Variants in SCLT1 observed in about 807,000 individuals in gnomAD.
The protein encoded by SCLT1 is sodium channel and clathrin linker 1.
SCLT1 carries 78 observed loss-of-function variants against 112.8 expected under a neutral mutation model. The observed-to-expected ratio is 0.69, with a 90% CI of 0.58 to 0.83. SCLT1 has a LOEUF of 0.83. Ranked by LOEUF, SCLT1 falls within the 40% of genes least tolerant of loss-of-function variation. SCLT1 has a pLI of 0.00. For missense variants in SCLT1, 747 were observed against 770.4 expected (o/e 0.97, Z 0.36); for synonymous variants, 257 against 254.7 (o/e 1.01, Z -0.09).
chr4:128,894,340 T>C (rs1479396121), intron 18 of SCLT1, among the ~76,000 whole-genome samples: 3 of 148,338 alleles, frequency 2.0e-5, no homozygotes, highest in South Asian at 2.1e-4. Flanking sequence ...GGCAGGCAAA[T>C]AATGAAAGTT....
chr4:129,008,594 T>C (rs1260260260), intron 5 of SCLT1, among the ~76,000 whole-genome samples: 1 of 152,216 alleles, frequency 6.6e-6, no homozygotes, highest in Non-Finnish European at 1.5e-5. Flanking sequence ...GGATTCAAAT[T>C]ACACGAATTT....
chr4:129,074,642 T>G (rs1448199355), intron 2 of SCLT1, among the ~76,000 whole-genome samples: 3 of 152,182 alleles, frequency 2.0e-5, no homozygotes, highest in African/African-American at 7.2e-5. Flanking sequence ...AAAGGAATAA[T>G]TTAAAGAATT....
intron 14 of SCLT1, among the ~76,000 whole-genome samples, chr4:128,950,967 G>A (rs72683669): frequency 0.3 from 44,857 of 151,978 alleles, 6,745 homozygotes; most frequent in South Asian, 0.36. Context: ...AGCTTGAAAT[G>A]TAATGGCTCC....
At chr4:128,997,403 A>C (rs1183210436) in intron 8 of SCLT1, 3 of 151,958 alleles carry the variant, frequency 2.0e-5, no homozygotes, top group Non-Finnish European at 4.4e-5. Flanking sequence ...AAGAAGGTAA[A>C]GAGCAGAACT....
At chr4:128,925,355 T>G (rs185356706) in intron 18 of SCLT1, among the ~76,000 whole-genome samples, 1 of 152,090 alleles carries the variant, frequency 6.6e-6, no homozygotes, top group Non-Finnish European at 1.5e-5. Context: ...GTTCTTTTTT[T>G]TTTTGGAGCT....
rs748496645 is a variant in SCLT1 at position 128,959,788 on chromosome 4, A to G, written c.870-11T>C. 2 of 1,607,292 alleles carry G rather than the reference A, an allele frequency of 1.2e-6. No individual in the cohort carries two copies. The highest frequency in any genetic ancestry group is 2.2e-5 in the South Asian group (2 of 90,564). On this transcript the variant is annotated splice_polypyrimidine_tract_variant and intron_variant, in intron 11 of 20. Coordinates refer to ENST00000281142, the MANE Select transcript of SCLT1 (RefSeq NM_144643.4). ...ATTGTCACACATAATCTAGAAATCA[A>G]TAATTACACTGGGAAAGTTAAACTT...
chr4:128,906,267 G>A lies in SCLT1; in HGVS notation c.1830-15130C>T, dbSNP rs1239612561. 3.9e-5 allele frequency among the ~76,000 whole-genome samples: 6 copies of A among 151,934 alleles called. No homozygotes were observed. The East Asian group carries it at 5.8e-4, about 15-fold the overall frequency. Reference sequence around the variant, plus strand: ...GGCTGGAGTGCAGTGGCGCGATCTCGGCTCACTGCAAGCTCTGCCTCCCGG... The same window carrying A: ...GGCTGGAGTGCAGTGGCGCGATCTCAGCTCACTGCAAGCTCTGCCTCCCGG... On this transcript the variant is annotated intron_variant, in intron 18 of 20. Transcript: ENST00000281142.
chr4:128,950,539 G>C (rs1478464611), intron 14 of SCLT1, among the ~76,000 whole-genome samples: 2 of 152,050 alleles, frequency 1.3e-5, no homozygotes, highest in East Asian at 1.9e-4. Context: ...CCTACCTTTG[G>C]GGGAAAATAT....
intron 13 of SCLT1, among the ~76,000 whole-genome samples, chr4:128,956,343 A>C (rs904295449): frequency 6.6e-6 from 1 of 152,090 alleles, no homozygotes; most frequent in Non-Finnish European, 1.5e-5. Context: ...CATCAAGAAT[A>C]TTTTAGGCTA....
downstream of SCLT1, among the ~76,000 whole-genome samples, chr4:128,883,476 A>G (rs1732693842): frequency 6.6e-6 from 1 of 152,168 alleles, no homozygotes; most frequent in Non-Finnish European, 1.5e-5. Context: ...TGATGGGTGC[A>G]GCAAACCACT....
At chr4:128,910,759 A>AT (rs1482393150) in intron 18 of SCLT1, among the ~76,000 whole-genome samples, 1 of 152,112 alleles carries the variant, frequency 6.6e-6, no homozygotes, top group Admixed American at 6.5e-5. Context: ...ATTCTAAATG[A>AT]TTTTCTATCT....
intron 5 of SCLT1, among the ~76,000 whole-genome samples, chr4:129,011,604 CA>C (rs1265974568): frequency 6.6e-6 from 1 of 150,524 alleles, no homozygotes; most frequent in Non-Finnish European, 1.5e-5. Flanking sequence ...GGAATAGTTT[CA>C]GTAGAAGTGG....
rs939138146 is a variant in SCLT1, at chr4:128,956,915, TTATAAC to T, written c.1146+105_1146+110del. ...AGGTTAATAATTTCATATGGAGTCT[TTATAAC>T]TATGTAGGCAAGTATTTTAATTTTA... On this transcript the variant is annotated intron_variant, in intron 13 of 20. Transcript: ENST00000281142. The T allele has an allele frequency of 2.6e-5, 16 of 614,108 alleles. 1 individual carries two copies. The Admixed American group carries it at 5.3e-4, about 20-fold the overall frequency. The allele number at this position is 614,108 out of a possible 1,614,324, so 38.0% of individuals were successfully genotyped here. A position where few individuals can be genotyped will look rare whatever the true frequency, so the allele number is the denominator to read the frequency against.
intron 2 of SCLT1, among the ~76,000 whole-genome samples, chr4:129,067,914 G>T (rs1750637001): frequency 6.6e-6 from 1 of 151,360 alleles, no homozygotes; most frequent in South Asian, 2.1e-4. Context: ...CTTTAGTGAT[G>T]ATTTGTGACA....
chr4:128,969,320 C>CCA (rs1285887583), intron 10 of SCLT1, among the ~76,000 whole-genome samples: 1 of 152,114 alleles, frequency 6.6e-6, no homozygotes, highest in African/African-American at 2.4e-5. Flanking sequence ...CACCTGTAAT[C>CCA]CCAGCACTTT....
At chr4:128,947,830 A>T (rs1036452330) in intron 15 of SCLT1, among the ~76,000 whole-genome samples, 1 of 152,202 alleles carries the variant, frequency 6.6e-6, no homozygotes, top group Non-Finnish European at 1.5e-5. Flanking sequence ...GGTAAAAATC[A>T]TAGCAATGCT....
intron 2 of SCLT1, among the ~76,000 whole-genome samples, chr4:129,075,007 T>A (rs922253266): frequency 2.0e-5 from 3 of 152,146 alleles, no homozygotes; most frequent in Non-Finnish European, 4.4e-5. Flanking sequence ...GGTCTCTAAT[T>A]ATCTTTGCTC....
intron 17 of SCLT1, among the ~76,000 whole-genome samples, chr4:128,939,759 T>C (rs1440585607): frequency 1.3e-5 from 2 of 152,198 alleles, no homozygotes; most frequent in African/African-American, 2.4e-5. Context: ...ATATGATAAA[T>C]TGTTAAGGTT....
chr4:128,970,657 A>G, intron 9 of SCLT1, 189 bp from the exon 10 acceptor site: 1 of 536,428 alleles, frequency 1.9e-6, no homozygotes, highest in South Asian at 2.4e-5. Flanking sequence ...AGAGGAAAAA[A>G]TATAGCTGAA....
Sources: gnomAD v4.1 joint callset for allele counts (sites outside exome capture counted in the v4.1 genomes callset) on GRCh38, gnomAD v4.1.1 for gene constraint, MANE v1.5 for transcripts, NCBI Gene and HGNC (gene_info 2026-07-23, HGNC 2026-07-21) for gene names.